The following EHMT1 variants were observed in gnomAD, a reference collection of about 807,000 sequenced individuals.
EHMT1 encodes the protein histone-lysine N-methyltransferase EHMT1.
EHMT1 carries 15 observed loss-of-function variants against 147.2 expected under a neutral mutation model. The observed-to-expected ratio is 0.10, with a 90% CI of 0.07 to 0.16. The LOEUF (loss-of-function observed/expected upper bound fraction) is 0.16, where lower values mean the gene tolerates loss of function less well. Among genes scored for constraint, EHMT1 ranks in the 10% least tolerant of loss-of-function variants. The probability of loss-of-function intolerance (pLI) is 1.00; values close to 1 mark genes in which losing one functional copy is unlikely to be tolerated. For missense variants in EHMT1, 1,587 were observed against 1,772.4 expected, an observed-to-expected ratio of 0.90 and a Z score of 1.88; for synonymous variants, 795 against 709.6, an observed-to-expected ratio of 1.12 and a Z score of -1.91.
Position 137,801,527 on chromosome 9 carries a change from C to CT in EHMT1, c.2712+544dup, listed in dbSNP as rs1440871786. Among the ~76,000 whole-genome samples, 3 of 152,078 alleles carry CT rather than the reference C, an allele frequency of 2.0e-5. No individual in the cohort carries two copies. In the East Asian group the frequency reaches 5.8e-4, roughly 29 times the overall value. Reference sequence around the variant, plus strand: ...TATTTGTTTGTTTCTGAGACAGAGTCTCGCTCTGTCACCCAGGCTGGAGTG... The same window carrying CT: ...TATTTGTTTGTTTCTGAGACAGAGTCTTCGCTCTGTCACCCAGGCTGGAGTG... On this transcript the variant is annotated intron_variant, in intron 18 of 26. Coordinates refer to ENST00000460843, the MANE Select transcript of EHMT1 (RefSeq NM_024757.5).
chr9:137,766,378 G>A (rs1420009471), intron 10 of EHMT1, among the ~76,000 whole-genome samples: 2 of 152,218 alleles, frequency 1.3e-5, no homozygotes, highest in African/African-American at 4.8e-5. Flanking sequence ...ACTTGGGGAG[G>A]CCGAAGCAGG....
chr9:137,671,520 CTT>C lies in EHMT1; in HGVS notation c.22-39427_22-39426del, dbSNP rs71493689. Among the ~76,000 whole-genome samples, 287 of 105,316 alleles carry C rather than the reference CTT, an allele frequency of 2.7e-3. 2 individuals carry two copies. Among genetic ancestry groups the C allele is most frequent in the African/African-American group, 9.1e-3 (272 of 29,850 alleles). 69.1% of individuals were successfully genotyped at this position (105,316 alleles called of 152,430 possible). ...CCCGAAGAGTTGGATCCTTTTCTTT[CTT>C]TTTTTTTTTTTTTTTTTTTCGAGAC... On this transcript the variant is annotated intron_variant, in intron 1 of 26. Transcript: ENST00000460843.
intron 1 of EHMT1, among the ~76,000 whole-genome samples, chr9:137,683,623 A>G (rs1448716068): frequency 1.3e-5 from 2 of 152,216 alleles, no homozygotes; most frequent in Non-Finnish European, 2.9e-5. Flanking sequence ...GTTAAGGGAA[A>G]AGTGGTCGTC....
intron 9 of EHMT1, among the ~76,000 whole-genome samples, chr9:137,760,683 C>T (rs544844512): frequency 6.6e-6 from 1 of 152,282 alleles, no homozygotes; most frequent in East Asian, 1.9e-4. Flanking sequence ...CAGACAGAAG[C>T]GGCTGTGGTG....
rs142887098 is a variant in EHMT1, at chr9:137,716,791, G to A, written c.251G>A (p.Gly84Asp). ...AGCGCAAGGGTCAACCCCCAGGATG[G>A]CACCAACACACTAACTCGGATAGCG... Reference protein sequence around the residue: ...QDSARVNPQDGTNTLTRIAEN... With the variant: ...QDSARVNPQDDTNTLTRIAEN... Residue 84 changes from glycine to aspartate, a missense_variant, in exon 3 of 27, where the codon GGC (glycine) becomes GAC (aspartate). Gly to Asp is a moderately conservative substitution (Grantham distance 94). Coordinates refer to ENST00000460843, the MANE Select transcript of EHMT1 (RefSeq NM_024757.5). 908 of 1,613,184 alleles carry A rather than the reference G, an allele frequency of 5.6e-4. No homozygotes were observed. Among genetic ancestry groups the A allele is most frequent in the Non-Finnish European group, 4.6e-4 (541 of 1,179,846 alleles).
At position 137,780,158 on chromosome 9, in the gene EHMT1, G is replaced by A. The variant is rs1044399676; in HGVS notation, c.2275+441G>A. 9.4e-5 allele frequency among the ~76,000 whole-genome samples: 13 copies of A among 139,018 alleles called. No individual in the cohort carries two copies. In the East Asian group the frequency reaches 2.7e-3, roughly 29 times the overall value. 91.2% of individuals were successfully genotyped at this position (139,018 alleles called of 152,430 possible). A position where few individuals can be genotyped will look rare whatever the true frequency, so the allele number is the denominator to read the frequency against. On this transcript the variant is annotated intron_variant, in intron 14 of 26. Coordinates refer to ENST00000460843, the MANE Select transcript of EHMT1 (RefSeq NM_024757.5). ...AGATGTGTGGTGATGACGCTGAGAT[G>A]TGTGGTGATGACGGCATCACTGAGA...
At chr9:137,658,783 T>C (rs764189868) in intron 1 of EHMT1, among the ~76,000 whole-genome samples, 1 of 152,010 alleles carries the variant, frequency 6.6e-6, no homozygotes, top group Non-Finnish European at 1.5e-5. Context: ...TGGCTATTTT[T>C]AAAAAATTAT....
rs1954670735 is a variant in EHMT1, at chr9:137,813,586, C to T, written c.3180+56C>T. On this transcript the variant is annotated intron_variant, in intron 21 of 26. Transcript: ENST00000460843. The surrounding 1 kb of genome is among the most constrained non-coding windows in gnomAD (Gnocchi z 4.9). ...GGCCAGGACATGGGACAGGCAGAAG[C>T]TTCTTGAGCCTGGGGTCCTGGGTTC... The T allele has an allele frequency of 1.2e-6, 2 of 1,607,528 alleles. No individual in the cohort carries two copies. The highest frequency in any genetic ancestry group is 1.7e-6 in the Non-Finnish European group (2 of 1,178,242).
intron 15 of EHMT1, among the ~76,000 whole-genome samples, chr9:137,790,156 A>G (rs772123644): frequency 6.6e-6 from 1 of 152,220 alleles, no homozygotes; most frequent in Admixed American, 6.5e-5. Context: ...AAACAATACT[A>G]TTTTCAACGT....
intron 25 of EHMT1, among the ~76,000 whole-genome samples, chr9:137,827,819 G>A (rs1241936514): frequency 2.0e-5 from 3 of 151,524 alleles, no homozygotes; most frequent in Non-Finnish European, 2.9e-5. Context: ...GCGCCCCAGG[G>A]AGCCCTCTCC....
At chr9:137,718,584 G>C (rs1477905023) in intron 3 of EHMT1, among the ~76,000 whole-genome samples, 2 of 152,020 alleles carry the variant, frequency 1.3e-5, no homozygotes, top group Non-Finnish European at 2.9e-5. Context: ...CCTCTTAAAT[G>C]GCCGGCTCTT....
chr9:137,791,112 C>G (rs1952490223), intron 16 of EHMT1, 142 bp downstream of exon 16: 2 of 1,395,794 alleles, frequency 1.4e-6, no homozygotes, highest in African/African-American at 1.4e-5. Context: ...GTTCCTTCAT[C>G]TCACTTTGGT....
rs1012309419 is a variant in EHMT1 at position 137,816,208 on chromosome 9, C to A, written c.3374+146C>A. 1.5e-5 allele frequency: 11 copies of A among 732,614 alleles called. No individual in the cohort carries two copies. In the African/African-American group the frequency reaches 1.6e-4, roughly 10 times the overall value. 45.4% of individuals were successfully genotyped at this position (732,614 alleles called of 1,614,324 possible). On this transcript the variant is annotated intron_variant, in intron 23 of 26. Coordinates refer to ENST00000460843, the MANE Select transcript of EHMT1 (RefSeq NM_024757.5). Reference sequence around the variant, plus strand: ...GATAGAGCCGACAAGTTACCTGAGCCCTTTATCCTCTAGAAATGTCACTTG... The same window carrying A: ...GATAGAGCCGACAAGTTACCTGAGCACTTTATCCTCTAGAAATGTCACTTG...
chr9:137,769,869 C>G (rs868678846), intron 10 of EHMT1, among the ~76,000 whole-genome samples: 15 of 152,152 alleles, frequency 9.9e-5, no homozygotes, highest in African/African-American at 2.7e-4. Context: ...CAGGGTCTTA[C>G]TTTGTCACCC....
At chr9:137,648,557 C>CT (rs1845077508) in intron 1 of EHMT1, among the ~76,000 whole-genome samples, 3 of 151,144 alleles carry the variant, frequency 2.0e-5, no homozygotes, top group Non-Finnish European at 4.4e-5. Context: ...ACTTGGGAGG[C>CT]TGAGGCGGGA....
At position 137,786,113 on chromosome 9, in the gene EHMT1, G is replaced by C. The variant is rs1951946873; in HGVS notation, c.2382+3716G>C. ...GGAGGCCGAGTGAGGGGAGTACAGA[G>C]CTCTTCGTTCTGTTTTACAGCCTCT... On this transcript the variant is annotated intron_variant, in intron 15 of 26. Coordinates refer to ENST00000460843, the MANE Select transcript of EHMT1 (RefSeq NM_024757.5). The surrounding 1 kb of genome is among the most constrained non-coding windows in gnomAD (Gnocchi z 4.3). The C allele has an allele frequency of 6.6e-6, 1 of 152,328 alleles. No individual in the cohort carries two copies. Among genetic ancestry groups the C allele is most frequent in the Admixed American group, 6.5e-5 (1 of 15,284 alleles). 9.4% of individuals were successfully genotyped at this position (152,328 alleles called of 1,614,324 possible). A position where few individuals can be genotyped will look rare whatever the true frequency, so the allele number is the denominator to read the frequency against.
At chr9:137,834,226 C>A in intron 25 of EHMT1, 123 bp from the exon 26 acceptor site, 1 of 1,311,546 alleles carries the variant, frequency 7.6e-7, no homozygotes, top group Non-Finnish European at 1.1e-6. Context: ...GAGAAGGCCC[C>A]TCCTGCATGG....
intron 1 of EHMT1, chr9:137,650,990 G>C (rs2133947036): frequency 6.6e-6 from 1 of 152,438 alleles, no homozygotes; most frequent in East Asian, 1.9e-4. Flanking sequence ...GAGCCTGGGA[G>C]TTCGAGGCTG....
intron 10 of EHMT1, chr9:137,764,428 C>T (rs574262609): frequency 1.3e-5 from 2 of 152,340 alleles, no homozygotes; most frequent in African/African-American, 4.8e-5. Context: ...AAGAACTTTC[C>T]ATAGTGACAA....
Sources: allele counts gnomAD v4.1 joint callset (sites outside exome capture counted in the v4.1 genomes callset), GRCh38; gene constraint gnomAD v4.1.1; non-coding constraint Gnocchi (gnomAD v3.1); transcripts MANE v1.5; gene names NCBI Gene and HGNC (gene_info 2026-07-23, HGNC 2026-07-21).